The following SNX29 variants were observed in gnomAD, a reference collection of about 807,000 sequenced individuals.
SNX29 encodes the protein sorting nexin-29.
In SNX29, 78 loss-of-function variants were observed where a neutral mutation model predicts 102.1. That is an observed-to-expected ratio of 0.76 (90% CI 0.64 to 0.92). The LOEUF is 0.92. Among genes scored for constraint, SNX29 ranks in the 40% least tolerant of loss-of-function variants. The pLI is 0.00. For synonymous variants in SNX29, 580 were observed against 414.5 expected (o/e 1.40, Z -4.85); for missense variants, 1,280 against 1,061.7 (o/e 1.21, Z -2.86).
At chr16:12,052,348 C>G (rs1458483709) in intron 8 of SNX29, 126 bp downstream of exon 8, 2 of 1,086,706 alleles carry the variant, frequency 1.8e-6, no homozygotes, top group East Asian at 5.5e-5. Flanking sequence ...TCCCGAGTAG[C>G]TGGGATTACA....
chr16:12,538,759 C>T (rs1255939189), intron 20 of SNX29, among the ~76,000 whole-genome samples: 1 of 152,190 alleles, frequency 6.6e-6, no homozygotes, highest in Non-Finnish European at 1.5e-5. Context: ...GGGTATCATC[C>T]AAGCTGTGAG....
intron 19 of SNX29, among the ~76,000 whole-genome samples, chr16:12,479,846 A>G (rs1479024056): frequency 2.0e-5 from 3 of 152,202 alleles, no homozygotes; most frequent in Non-Finnish European, 4.4e-5. Context: ...GCTAAGGGAA[A>G]GCCATTGTAG....
At chr16:12,406,479 C>G (rs1459057102) in intron 18 of SNX29, among the ~76,000 whole-genome samples, 3 of 152,222 alleles carry the variant, frequency 2.0e-5, no homozygotes, top group African/African-American at 4.8e-5. Flanking sequence ...GGCATAACCC[C>G]AAAGTGAACA....
rs76433792 is a variant in SNX29 at position 12,571,781 on chromosome 16, G to A, written c.*3152G>A. On this transcript the variant is annotated 3_prime_UTR_variant, in exon 21 of 21. Coordinates refer to ENST00000566228, the MANE Select transcript of SNX29 (RefSeq NM_032167.5). ...CCTGATCTGAGACAGAACCTTCTCC[G>A]CCACTCTTCCTGCAATCAGTGTGAA... 8.5e-4 allele frequency: 854 copies of A among 1,009,216 alleles called. 1 individual carries two copies. The highest frequency in any genetic ancestry group is 2.0e-3 in the African/African-American group (122 of 59,774). 62.5% of individuals were successfully genotyped at this position (1,009,216 alleles called of 1,614,324 possible).
chr16:12,301,746 A>G (rs1313015015), intron 15 of SNX29, among the ~76,000 whole-genome samples: 1 of 152,230 alleles, frequency 6.6e-6, no homozygotes, highest in Non-Finnish European at 1.5e-5. Flanking sequence ...GATAGGCACT[A>G]AAAGACTGTG....
At chr16:12,125,616 T>C (rs1236780064) in intron 11 of SNX29, among the ~76,000 whole-genome samples, 9 of 38,548 alleles carry the variant, frequency 2.3e-4, no homozygotes, top group Admixed American at 1.4e-3. Flanking sequence ...TTTTTTTTTT[T>C]TTTTTTTTTT....
At chr16:12,259,575 G>A (rs2078673496) in intron 14 of SNX29, among the ~76,000 whole-genome samples, 1 of 152,156 alleles carries the variant, frequency 6.6e-6, no homozygotes, top group African/African-American at 2.4e-5. Flanking sequence ...GTCACGTGTG[G>A]CTTTATGGAT....
chr16:12,013,500 A>AAAT, intron 3 of SNX29, among the ~76,000 whole-genome samples: 4 of 31,628 alleles, frequency 1.3e-4, no homozygotes, highest in African/African-American at 3.9e-4. Flanking sequence ...AAAAAAAAAA[A>AAAT]ATATATATAT....
intron 20 of SNX29, among the ~76,000 whole-genome samples, chr16:12,562,713 C>T (rs763410150): frequency 2.6e-5 from 4 of 152,186 alleles, no homozygotes; most frequent in Non-Finnish European, 4.4e-5. Flanking sequence ...TTGAAGCCTA[C>T]CGTGGTACTG....
intron 18 of SNX29, among the ~76,000 whole-genome samples, chr16:12,448,580 G>T (rs2086166723): frequency 6.6e-6 from 1 of 152,008 alleles, no homozygotes; most frequent in Admixed American, 6.6e-5. Flanking sequence ...CATACTAAAG[G>T]TTCTGAGAAG....
chr16:12,247,318 T>G (rs1433764383), intron 14 of SNX29, among the ~76,000 whole-genome samples: 1 of 152,176 alleles, frequency 6.6e-6, no homozygotes, highest in African/African-American at 2.4e-5. Flanking sequence ...GTCCATGGCT[T>G]GCATTTTTCG....
chr16:12,362,843 G>A (rs988449805), intron 16 of SNX29, among the ~76,000 whole-genome samples: 3 of 152,030 alleles, frequency 2.0e-5, no homozygotes, highest in Non-Finnish European at 2.9e-5. Context: ...TCTTTCCCGC[G>A]TCCACAAGGG....
chr16:12,489,651 A>G (rs1407642234), intron 19 of SNX29, among the ~76,000 whole-genome samples: 1 of 152,214 alleles, frequency 6.6e-6, no homozygotes, highest in African/African-American at 2.4e-5. Context: ...CTCAAACGCC[A>G]GCATAAAAAC....
intron 14 of SNX29, among the ~76,000 whole-genome samples, chr16:12,268,533 T>C (rs761604703): frequency 6.6e-5 from 10 of 152,202 alleles, no homozygotes; most frequent in Non-Finnish European, 1.3e-4. Flanking sequence ...TGGAACACTG[T>C]GGGTAACCGG....
Position 12,568,514 on chromosome 16 carries a change from C to A in SNX29, c.2327C>A (p.Thr776Asn), listed in dbSNP as rs763118960. Residue 776 changes from threonine to asparagine, a missense_variant, in exon 21 of 21, where the codon ACC becomes AAC. By Grantham distance (65) the Thr-to-Asn change is moderately conservative. Transcript: ENST00000566228. ...TCTCCCTGCTCTTTCAGCGACATCACCCCGCCCGGAGAGCCTGTGAACAGC... is the reference window on the plus strand; with the variant it reads ...TCTCCCTGCTCTTTCAGCGACATCAACCCGCCCGGAGAGCCTGTGAACAGC... ...IQLMPFFVDI[T>N]PPGEPVNSRP... 3 of 1,609,704 alleles carry A rather than the reference C, an allele frequency of 1.9e-6. No homozygotes were observed.
intron 13 of SNX29, among the ~76,000 whole-genome samples, chr16:12,173,279 G>T (rs948640071): frequency 6.6e-6 from 1 of 152,170 alleles, no homozygotes. Flanking sequence ...AGTTACATTC[G>T]TGGAGCAATG....
intron 14 of SNX29, among the ~76,000 whole-genome samples, chr16:12,238,088 A>G (rs1452716521): frequency 6.6e-6 from 1 of 152,134 alleles, no homozygotes; most frequent in Non-Finnish European, 1.5e-5. Flanking sequence ...GAGAAGGGAG[A>G]TGAACCTCGG....
chr16:12,561,551 T>C (rs888980913), intron 20 of SNX29, among the ~76,000 whole-genome samples: 4 of 152,088 alleles, frequency 2.6e-5, no homozygotes, highest in Non-Finnish European at 5.9e-5. Flanking sequence ...CCATTTTCAC[T>C]GATGAGCAGT....
chr16:12,053,936 G>T (rs906129552), intron 8 of SNX29, among the ~76,000 whole-genome samples: 1 of 151,982 alleles, frequency 6.6e-6, no homozygotes, highest in African/African-American at 2.4e-5. Context: ...TTTGGATTCA[G>T]GTATGCTGTA....
Sources: gnomAD v4.1 joint callset for allele counts (sites outside exome capture counted in the v4.1 genomes callset) on GRCh38, gnomAD v4.1.1 for gene constraint, MANE v1.5 for transcripts, NCBI Gene and HGNC (gene_info 2026-07-23, HGNC 2026-07-21) for gene names.